The following MAPK9 variants were observed in gnomAD, a reference collection of about 807,000 sequenced individuals.
The protein encoded by MAPK9 is mitogen-activated protein kinase 9, also known as Jun kinase.
A neutral mutation model predicts 57.1 loss-of-function variants in MAPK9; 30 were observed. The ratio of observed to expected loss-of-function variants is 0.53; its 90% confidence interval spans 0.39 to 0.71. The LOEUF is 0.71. MAPK9 is among the 30% of genes least tolerant of loss of function. The pLI is 0.00. For synonymous variants in MAPK9, 155 were observed against 177.0 expected (o/e 0.88, Z 0.99); for missense variants, 362 against 521.0 (o/e 0.69, Z 2.97).
At chr5:180,291,169 G>A (rs1270296555) in intron 1 of MAPK9, among the ~76,000 whole-genome samples, 1 of 152,198 alleles carries the variant, frequency 6.6e-6, no homozygotes, top group Non-Finnish European at 1.5e-5. Flanking sequence ...CATGTTCAAG[G>A]CGGGCGAGAT....
chr5:180,286,221 C>T (rs1212887969), intron 1 of MAPK9, among the ~76,000 whole-genome samples: 1 of 141,380 alleles, frequency 7.1e-6, no homozygotes, highest in Non-Finnish European at 1.5e-5. Flanking sequence ...TCTCGGCTCA[C>T]TGCAAGCTCC....
intron 3 of MAPK9, 97 bp from the exon 4 acceptor site, chr5:180,264,936 ACAG>A (rs1760371706): frequency 2.0e-6 from 2 of 1,013,698 alleles, no homozygotes; most frequent in South Asian, 2.0e-5. Flanking sequence ...GAAAAAAATC[ACAG>A]CAGAATTCAG....
intron 1 of MAPK9, among the ~76,000 whole-genome samples, chr5:180,286,216 G>T (rs866225121): frequency 7.2e-6 from 1 of 138,772 alleles, no homozygotes; most frequent in Non-Finnish European, 1.5e-5. Flanking sequence ...CATGATCTCG[G>T]CTCACTGCAA....
intron 3 of MAPK9, among the ~76,000 whole-genome samples, chr5:180,268,591 G>A (rs903524286): frequency 2.6e-5 from 4 of 152,224 alleles, no homozygotes; most frequent in East Asian, 1.9e-4. Flanking sequence ...ACTTTGGGAG[G>A]CTGAGGCTGG....
intron 5 of MAPK9, among the ~76,000 whole-genome samples, chr5:180,251,825 T>C (rs1299989258): frequency 6.6e-6 from 1 of 152,088 alleles, no homozygotes; most frequent in African/African-American, 2.4e-5. Context: ...ACCCGCAGCA[T>C]GAGTGGGGCA....
At position 180,236,279 on chromosome 5, in the gene MAPK9, G is replaced by T; in HGVS notation, c.*105C>A. On this transcript the variant is annotated 3_prime_UTR_variant, in exon 12 of 12. Coordinates refer to ENST00000452135, the MANE Select transcript of MAPK9 (RefSeq NM_002752.5). ...GGGCAAGGCATTGTGTTTCTTACAT[G>T]CAGAACATGGAGTTTTTCTATTTGG... is the stretch of plus-strand genomic sequence containing the variant. 1 of 1,266,818 alleles carries T rather than the reference G, an allele frequency of 7.9e-7. No homozygotes were observed. The highest frequency in any genetic ancestry group is 1.1e-6 in the Non-Finnish European group (1 of 932,294). The allele number at this position is 1,266,818 out of a possible 1,614,324, so 78.5% of individuals were successfully genotyped here.
chr5:180,281,932 C>T (rs893443723), intron 1 of MAPK9, among the ~76,000 whole-genome samples: 1 of 152,144 alleles, frequency 6.6e-6, no homozygotes, highest in African/African-American at 2.4e-5. Context: ...TCATACAACC[C>T]GCACCGCAGG....
intron 3 of MAPK9, among the ~76,000 whole-genome samples, chr5:180,267,867 T>A (rs1282564330): frequency 1.3e-5 from 2 of 152,106 alleles, no homozygotes; most frequent in Non-Finnish European, 2.9e-5. Context: ...TTTATTTATT[T>A]ATTTATTTAT....
chr5:180,274,323 C>T (rs1337261731), intron 2 of MAPK9, among the ~76,000 whole-genome samples: 1 of 152,168 alleles, frequency 6.6e-6, no homozygotes, highest in Non-Finnish European at 1.5e-5. Context: ...TAAACGTACT[C>T]ATTAATTTAA....
chr5:180,274,311 G>A (rs1200454482), intron 2 of MAPK9, among the ~76,000 whole-genome samples: 1 of 152,176 alleles, frequency 6.6e-6, no homozygotes, highest in Non-Finnish European at 1.5e-5. Flanking sequence ...TTGCAAAAGG[G>A]CTAAACGTAC....
chr5:180,288,541 G>C (rs1317697631), intron 1 of MAPK9, among the ~76,000 whole-genome samples: 1 of 152,160 alleles, frequency 6.6e-6, no homozygotes, highest in Non-Finnish European at 1.5e-5. Context: ...TATAACTACT[G>C]TACACCTCCT....
In MAPK9 at chr5:180,280,432, A is replaced by ATACT; in HGVS notation, c.122+4_122+7dup. On this transcript the variant is annotated splice_region_variant and intron_variant, in intron 2 of 11. Transcript: ENST00000452135. Reference sequence around the variant, plus strand: ...TCAATCCACGCTATTAAAACAGACCATACTTACCAAACAATCCCTTGGGCC... The same window carrying ATACT: ...TCAATCCACGCTATTAAAACAGACCATACTTACTTACCAAACAATCCCTTGGGCC... The ATACT allele has an allele frequency of 1.1e-5, 17 of 1,613,876 alleles. No homozygotes were observed. Among genetic ancestry groups the ATACT allele is most frequent in the Non-Finnish European group, 1.4e-5 (16 of 1,179,946 alleles).
chr5:180,249,907 C>T lies in MAPK9; in HGVS notation c.451-769G>A, dbSNP rs554475355. ...GGCCACATCCTGAGTGCTCCACAGC[C>T]TCCTGTGGTTAGTGGCTGCCATACT... On this transcript the variant is annotated intron_variant, in intron 5 of 11. Coordinates refer to ENST00000452135, the MANE Select transcript of MAPK9 (RefSeq NM_002752.5). Among the ~76,000 whole-genome samples, 553 of 152,332 alleles carry T rather than the reference C, an allele frequency of 3.6e-3. 4 individuals are homozygous for T. The highest frequency in any genetic ancestry group is 6.8e-3 in the Middle Eastern group (2 of 294).
chr5:180,253,335 C>T (rs541155201), intron 5 of MAPK9, among the ~76,000 whole-genome samples: 37 of 152,324 alleles, frequency 2.4e-4, no homozygotes, highest in African/African-American at 4.6e-4. Flanking sequence ...CCGTGGCATG[C>T]GGAAGCCGCC....
intron 1 of MAPK9, among the ~76,000 whole-genome samples, chr5:180,289,365 A>T (rs1435131761): frequency 2.6e-5 from 4 of 152,214 alleles, no homozygotes; most frequent in Admixed American, 1.3e-4. Context: ...TCAAAAGAGA[A>T]GTCTATGCAA....
At chr5:180,254,825 G>A (rs1164187135) in intron 5 of MAPK9, among the ~76,000 whole-genome samples, 1 of 152,170 alleles carries the variant, frequency 6.6e-6, no homozygotes, top group African/African-American at 2.4e-5. Context: ...ACGAGGTCAG[G>A]AGATCGAGAC....
chr5:180,276,670 A>G (rs1354713386), intron 2 of MAPK9, among the ~76,000 whole-genome samples: 3 of 152,202 alleles, frequency 2.0e-5, no homozygotes, highest in Non-Finnish European at 4.4e-5. Flanking sequence ...CCTGGCCAAC[A>G]TGGTGAAACC....
chr5:180,235,494 G>C lies in MAPK9; in HGVS notation c.*890C>G, dbSNP rs1172622639. 19 of 152,192 alleles carry C rather than the reference G, an allele frequency of 1.2e-4. No individual in the cohort carries two copies. Among genetic ancestry groups the C allele is most frequent in the Admixed American group, 1.2e-3 (19 of 15,280 alleles). 9.4% of individuals were successfully genotyped at this position (152,192 alleles called of 1,614,324 possible). On this transcript the variant is annotated 3_prime_UTR_variant, in exon 12 of 12. Transcript: ENST00000452135. Reference sequence around the variant, plus strand: ...CTCCAACGTTAGGCCATGGATGCAGGAACCTATCTGCCATCATATTTAATT... The same window carrying C: ...CTCCAACGTTAGGCCATGGATGCAGCAACCTATCTGCCATCATATTTAATT...
In MAPK9 at chr5:180,241,811, G is replaced by A. The variant is rs1206864776; in HGVS notation, c.872-656C>T. The stretch of plus-strand genomic sequence containing the variant: ...AGGAAGGTGGCAATTGCCGAGCTGC[G>A]GGTGGCACTGCCCAGAGTGTGGGCA... On this transcript the variant is annotated intron_variant, in intron 8 of 11. Transcript: ENST00000452135. 1.1e-4 allele frequency among the ~76,000 whole-genome samples: 17 copies of A among 152,312 alleles called. No individual in the cohort carries two copies. In the South Asian group the frequency reaches 3.3e-3, roughly 30 times the overall value.
Sources: allele counts gnomAD v4.1 joint callset (sites outside exome capture counted in the v4.1 genomes callset), GRCh38; gene constraint gnomAD v4.1.1; transcripts MANE v1.5; gene names NCBI Gene and HGNC (gene_info 2026-07-23, HGNC 2026-07-21).